Variants in LHFPL2 observed in about 807,000 individuals in gnomAD.
The protein encoded by LHFPL2 is LHFPL tetraspan subfamily member 2 protein.
Under a neutral mutation model 17.5 loss-of-function variants are expected in LHFPL2, and 7 were observed. That is an observed-to-expected ratio of 0.40 (90% CI 0.23 to 0.75). The LOEUF (loss-of-function observed/expected upper bound fraction) is 0.75, where lower values mean the gene tolerates loss of function less well. Among genes scored for constraint, LHFPL2 ranks in the 30% least tolerant of loss-of-function variants. The pLI is 0.37. For missense variants in LHFPL2, 241 were observed against 294.8 expected, an observed-to-expected ratio of 0.82 and a Z score of 1.34; for synonymous variants, 134 against 116.2, an observed-to-expected ratio of 1.15 and a Z score of -0.99.
Position 78,585,236 on chromosome 5 carries a change from T to C in LHFPL2, c.-244-20365A>G, listed in dbSNP as rs1437824933. On this transcript the variant is annotated intron_variant, in intron 2 of 4. Transcript: ENST00000380345. ...TTTAGCCGGGATGGTCTCGATATCC[T>C]GACCTCGTGATCCGCCCGCCTCGGC... Among the ~76,000 whole-genome samples, 4 of 96,034 alleles carry C rather than the reference T, an allele frequency of 4.2e-5. 1 individual carries two copies. Among genetic ancestry groups the C allele is most frequent in the Non-Finnish European group, 7.2e-5 (3 of 41,732 alleles). 63.0% of individuals were successfully genotyped at this position (96,034 alleles called of 152,430 possible).
At chr5:78,490,090 C>G (rs1754388123) in intron 4 of LHFPL2, among the ~76,000 whole-genome samples, 1 of 152,216 alleles carries the variant, frequency 6.6e-6, no homozygotes, top group Admixed American at 6.5e-5. Flanking sequence ...TAAGGACTTT[C>G]TGTCTGCGTA....
rs137981840 is a variant in LHFPL2, at chr5:78,593,547, A to C, written c.-244-28676T>G. Reference sequence around the variant, plus strand: ...ACCTGGTCCCTGTCTCCAGAAGGTCATGGTTTATGATATACCATTGTGACC... The same window carrying C: ...ACCTGGTCCCTGTCTCCAGAAGGTCCTGGTTTATGATATACCATTGTGACC... On this transcript the variant is annotated intron_variant, in intron 2 of 4. Transcript: ENST00000380345. Among the ~76,000 whole-genome samples the C allele has an allele frequency of 5.0e-3, 768 of 152,298 alleles. 10 individuals carry two copies. The highest frequency in any genetic ancestry group is 0.018 in the African/African-American group (742 of 41,578).
intron 4 of LHFPL2, among the ~76,000 whole-genome samples, chr5:78,492,278 T>C (rs1364865994): frequency 6.6e-6 from 1 of 152,236 alleles, no homozygotes; most frequent in Non-Finnish European, 1.5e-5. Flanking sequence ...AGTGTTCATA[T>C]TTTTTGTTCC....
At chr5:78,632,603 C>T (rs1745292615) in intron 1 of LHFPL2, among the ~76,000 whole-genome samples, 1 of 152,160 alleles carries the variant, frequency 6.6e-6, no homozygotes, top group Non-Finnish European at 1.5e-5. Flanking sequence ...GCTTCAGTTT[C>T]CTCCCCTGCA....
intron 3 of LHFPL2, among the ~76,000 whole-genome samples, chr5:78,523,571 C>G (rs556229943): frequency 6.6e-6 from 1 of 152,032 alleles, no homozygotes; most frequent in African/African-American, 2.4e-5. Context: ...CTGCCAAGGG[C>G]GAAGAATGAG....
intron 2 of LHFPL2, among the ~76,000 whole-genome samples, chr5:78,588,043 T>C (rs1580836594): frequency 1.3e-5 from 2 of 152,360 alleles, no homozygotes; most frequent in African/African-American, 4.8e-5. Context: ...AATAGATGCA[T>C]TGGTACTTTT....
chr5:78,571,453 G>C (rs1756998065), intron 2 of LHFPL2, among the ~76,000 whole-genome samples: 1 of 152,132 alleles, frequency 6.6e-6, no homozygotes, highest in Non-Finnish European at 1.5e-5. Context: ...ACGCAGCTCA[G>C]AGAGTGGTAG....
intron 2 of LHFPL2, among the ~76,000 whole-genome samples, chr5:78,620,806 A>G (rs1164641406): frequency 2.6e-5 from 4 of 152,222 alleles, no homozygotes; most frequent in Non-Finnish European, 5.9e-5. Context: ...GCCGACTGCC[A>G]AGCAGCTCCA....
intron 1 of LHFPL2, among the ~76,000 whole-genome samples, chr5:78,642,624 A>AT (rs1745711520): frequency 6.6e-6 from 1 of 152,196 alleles, no homozygotes; most frequent in East Asian, 1.9e-4. Flanking sequence ...AGGCCTCCCT[A>AT]CAAACACTTG....
chr5:78,589,625 C>G (rs542955720), intron 2 of LHFPL2, among the ~76,000 whole-genome samples: 25 of 152,322 alleles, frequency 1.6e-4, no homozygotes, highest in Admixed American at 1.2e-3. Flanking sequence ...CAACCTGCAC[C>G]CGCATGAATA....
chr5:78,575,334 G>T (rs766233651), intron 2 of LHFPL2, among the ~76,000 whole-genome samples: 21 of 152,160 alleles, frequency 1.4e-4, no homozygotes, highest in Middle Eastern at 3.2e-3. Context: ...GGATCACAAG[G>T]TCAGGAGATC....
intron 3 of LHFPL2, among the ~76,000 whole-genome samples, chr5:78,550,275 G>A (rs1384003870): frequency 1.3e-5 from 2 of 152,156 alleles, no homozygotes; most frequent in Non-Finnish European, 2.9e-5. Flanking sequence ...CAACAGCCAT[G>A]GCACGGAAGA....
intron 3 of LHFPL2, among the ~76,000 whole-genome samples, chr5:78,563,615 C>T (rs1045567102): frequency 6.6e-6 from 1 of 151,340 alleles, no homozygotes; most frequent in Non-Finnish European, 1.5e-5. Flanking sequence ...CCAGGAGAAT[C>T]GCTTGAACCC....
intron 2 of LHFPL2, among the ~76,000 whole-genome samples, chr5:78,604,789 A>G (rs1321281214): frequency 1.3e-5 from 2 of 152,230 alleles, no homozygotes; most frequent in African/African-American, 4.8e-5. Context: ...GTAACAAGGT[A>G]CAAAGTTCTA....
chr5:78,504,273 G>A (rs1263566067), intron 4 of LHFPL2, among the ~76,000 whole-genome samples: 3 of 152,150 alleles, frequency 2.0e-5, no homozygotes, highest in African/African-American at 7.2e-5. Flanking sequence ...TGTTCTGAAG[G>A]TGGGCAACCA....
intron 4 of LHFPL2, among the ~76,000 whole-genome samples, chr5:78,506,329 G>T (rs572076168): frequency 3.1e-4 from 47 of 152,272 alleles, no homozygotes; most frequent in African/African-American, 1.1e-3. Flanking sequence ...TCACATTTTT[G>T]CCAAAATGTA....
chr5:78,640,776 A>C (rs1044084220), intron 1 of LHFPL2, among the ~76,000 whole-genome samples: 1 of 152,320 alleles, frequency 6.6e-6, no homozygotes, highest in African/African-American at 2.4e-5. Flanking sequence ...TGCTGGTTAC[A>C]CAGACTAACA....
At chr5:78,532,398 G>C (rs148571686) in intron 3 of LHFPL2, among the ~76,000 whole-genome samples, 1 of 152,216 alleles carries the variant, frequency 6.6e-6, no homozygotes, top group East Asian at 1.9e-4. Flanking sequence ...CCTGCTAAGA[G>C]ATGTGGCCAT....
At chr5:78,645,594 T>C (rs1413393260) in intron 1 of LHFPL2, among the ~76,000 whole-genome samples, 1 of 137,298 alleles carries the variant, frequency 7.3e-6, no homozygotes, top group Non-Finnish European at 1.6e-5. Flanking sequence ...ACACACACAT[T>C]TTTTTTGAGA....
Sources: gnomAD v4.1 joint callset for allele counts (sites outside exome capture counted in the v4.1 genomes callset) on GRCh38, gnomAD v4.1.1 for gene constraint, MANE v1.5 for transcripts, NCBI Gene and HGNC (gene_info 2026-07-23, HGNC 2026-07-21) for gene names.